The following ARID1B variants were observed in gnomAD, a reference collection of about 807,000 sequenced individuals.
ARID1B encodes the protein AT-rich interaction domain 1B.
In ARID1B, 30 loss-of-function variants were observed where a neutral mutation model predicts 212.3. The ratio of observed to expected loss-of-function variants is 0.14; its 90% confidence interval spans 0.11 to 0.19. ARID1B has a LOEUF of 0.19. ARID1B is among the 10% of genes least tolerant of loss of function. ARID1B has a pLI of 1.00. For missense variants in ARID1B, 2,891 were observed against 3,204.0 expected, an observed-to-expected ratio of 0.90 and a Z score of 2.36; for synonymous variants, 1,402 against 1,301.7, an observed-to-expected ratio of 1.08 and a Z score of -1.66.
intron 4 of ARID1B, among the ~76,000 whole-genome samples, chr6:156,996,224 T>C (rs571929138): frequency 2.0e-5 from 3 of 152,314 alleles, no homozygotes; most frequent in Non-Finnish European, 2.9e-5. Flanking sequence ...TCTCTGCAGG[T>C]GTTCGCAAAA....
In ARID1B at chr6:157,131,793, C is replaced by T. The variant is rs578001009; in HGVS notation, c.2582-1235C>T. Among the ~76,000 whole-genome samples the T allele has an allele frequency of 3.9e-5, 6 of 152,242 alleles. No homozygotes were observed. The East Asian group carries it at 9.6e-4, about 24-fold the overall frequency. ...GCAACCTCTGCCTTCTGAGTTCAAG[C>T]GATTCTCCTGCCTCAGCCTCCTGAG... On this transcript the variant is annotated intron_variant, in intron 6 of 19. Coordinates refer to ENST00000636930, the MANE Select transcript of ARID1B (RefSeq NM_001374828.1).
chr6:156,832,538 A>G (rs1783212329), intron 2 of ARID1B, among the ~76,000 whole-genome samples: 1 of 152,192 alleles, frequency 6.6e-6, no homozygotes, highest in Non-Finnish European at 1.5e-5. Flanking sequence ...TATTGCTCGT[A>G]TATTTCTGCA....
chr6:156,975,613 C>CTTTTTTTTTT (rs367797338), intron 4 of ARID1B, among the ~76,000 whole-genome samples: 6 of 110,852 alleles, frequency 5.4e-5, no homozygotes, highest in East Asian at 2.6e-4. Flanking sequence ...TTTTTTTTTT[C>CTTTTTTTTTT]TTTTTTTTTT....
At chr6:157,014,587 GT>G (rs1253153530) in intron 4 of ARID1B, among the ~76,000 whole-genome samples, 6 of 152,086 alleles carry the variant, frequency 3.9e-5, no homozygotes, top group African/African-American at 1.4e-4. Context: ...AATATAAGCA[GT>G]TTTTTTCATC....
chr6:156,871,662 T>C, intron 2 of ARID1B: 1 of 1,611,696 alleles, frequency 6.2e-7, no homozygotes, highest in Non-Finnish European at 8.5e-7. Context: ...GGCAAGTATC[T>C]TCTTACATGC....
chr6:156,875,521 T>C (rs1038479509), intron 2 of ARID1B, among the ~76,000 whole-genome samples: 1 of 152,274 alleles, frequency 6.6e-6, no homozygotes, highest in African/African-American at 2.4e-5. Flanking sequence ...TTAATGTTTT[T>C]GATTATTTTT....
intron 4 of ARID1B, among the ~76,000 whole-genome samples, chr6:156,975,005 T>A (rs1357788718): frequency 1.3e-5 from 2 of 152,242 alleles, no homozygotes; most frequent in Non-Finnish European, 2.9e-5. Flanking sequence ...TAGGTCTTTC[T>A]GTAGACATAT....
At chr6:156,785,055 A>G (rs1779543512) in intron 1 of ARID1B, among the ~76,000 whole-genome samples, 1 of 152,152 alleles carries the variant, frequency 6.6e-6, no homozygotes, top group Non-Finnish European at 1.5e-5. Flanking sequence ...CCATCCTGCC[A>G]GGCAAGATTT....
intron 5 of ARID1B, among the ~76,000 whole-genome samples, chr6:157,105,982 G>A (rs1260420216): frequency 6.6e-6 from 1 of 152,114 alleles, no homozygotes. Flanking sequence ...ATTGCTTGTA[G>A]CAATGTAAAT....
intron 7 of ARID1B, among the ~76,000 whole-genome samples, chr6:157,145,261 T>A (rs1562299839): frequency 6.6e-6 from 1 of 152,216 alleles, no homozygotes; most frequent in Non-Finnish European, 1.5e-5. Flanking sequence ...CCACAGATTG[T>A]GGCCCGCTCT....
At chr6:157,098,374 C>T (rs9383820) in intron 5 of ARID1B, among the ~76,000 whole-genome samples, 46,469 of 151,962 alleles carry the variant, frequency 0.31, 9,232 homozygotes, top group African/African-American at 0.57. Context: ...GCCGGGCTAG[C>T]GATGCCATAC....
chr6:156,806,633 A>G (rs1259832106), intron 1 of ARID1B, among the ~76,000 whole-genome samples: 3 of 152,238 alleles, frequency 2.0e-5, no homozygotes, highest in Non-Finnish European at 2.9e-5. Flanking sequence ...GCAGAAGCAC[A>G]GTGACTTGGC....
intron 1 of ARID1B, among the ~76,000 whole-genome samples, chr6:156,808,427 T>TTC (rs1196216214): frequency 6.6e-6 from 1 of 152,214 alleles, no homozygotes; most frequent in East Asian, 1.9e-4. Flanking sequence ...CTTCATTGTG[T>TTC]TCTTGGCAGC....
intron 19 of ARID1B, 46 bp downstream of exon 19, chr6:157,204,042 C>T (rs367544281): frequency 6.2e-7 from 1 of 1,609,692 alleles, no homozygotes; most frequent in African/African-American, 1.3e-5. Flanking sequence ...GATAGGAGAG[C>T]ATCAGGCCAT....
intron 2 of ARID1B, among the ~76,000 whole-genome samples, chr6:156,879,477 C>CT (rs1351904648): frequency 4.6e-5 from 7 of 152,204 alleles, no homozygotes; most frequent in Admixed American, 4.6e-4. Context: ...AGCCTTTGCC[C>CT]TTTTTTCCCT....
At chr6:156,865,092 C>T (rs1233463912) in intron 2 of ARID1B, among the ~76,000 whole-genome samples, 2 of 152,178 alleles carry the variant, frequency 1.3e-5, no homozygotes, top group East Asian at 1.9e-4. Context: ...TTCTGGCTTG[C>T]TCCAGTCTCT....
chr6:156,886,611 A>G (rs1431345310), intron 2 of ARID1B, among the ~76,000 whole-genome samples: 2 of 151,814 alleles, frequency 1.3e-5, no homozygotes, highest in Non-Finnish European at 2.9e-5. Context: ...CTCGTGGGAG[A>G]GTGGAGTGAG....
chr6:157,044,232 T>C (rs893441758), intron 4 of ARID1B, among the ~76,000 whole-genome samples: 1 of 152,230 alleles, frequency 6.6e-6, no homozygotes, highest in African/African-American at 2.4e-5. Context: ...CACCCGTAAA[T>C]ATAATTTCAA....
chr6:157,012,605 A>G (rs1779681770), intron 4 of ARID1B, among the ~76,000 whole-genome samples: 1 of 152,212 alleles, frequency 6.6e-6, no homozygotes, highest in Non-Finnish European at 1.5e-5. Context: ...ATACTGTAGT[A>G]CAAAGAGTAA....
Sources: gnomAD v4.1 joint callset for allele counts (sites outside exome capture counted in the v4.1 genomes callset) on GRCh38, gnomAD v4.1.1 for gene constraint, MANE v1.5 for transcripts, NCBI Gene and HGNC (gene_info 2026-07-23, HGNC 2026-07-21) for gene names.